RANBP2: variants seen among roughly 807,000 people sequenced by gnomAD.
RANBP2 encodes E3 SUMO-protein ligase RanBP2.
RANBP2 carries 57 observed loss-of-function variants against 303.6 expected under a neutral mutation model. The observed-to-expected ratio is 0.19, with a 90% CI of 0.15 to 0.23. The LOEUF (loss-of-function observed/expected upper bound fraction) is 0.23, where lower values mean the gene tolerates loss of function less well. RANBP2 is among the 10% of genes least tolerant of loss of function. RANBP2 has a pLI of 1.00. For synonymous variants in RANBP2, 1,167 were observed against 1,301.5 expected (o/e 0.90, Z 2.23); for missense variants, 3,138 against 3,780.8 (o/e 0.83, Z 4.46).
chr2:109,116,003 G>T, the RANBP2 span, among the ~76,000 whole-genome samples: 2 of 142,304 alleles, frequency 1.4e-5, no homozygotes, highest in Non-Finnish European at 3.1e-5. Context: ...GAGATCTGCT[G>T]TTAGTCTGAT....
At chr2:109,164,371 A>T in the RANBP2 span, among the ~76,000 whole-genome samples, 4 of 152,036 alleles carry the variant, frequency 2.6e-5, no homozygotes, top group East Asian at 7.7e-4. Flanking sequence ...TTTGTTAGAG[A>T]TGGGGTCTTG....
the RANBP2 span, among the ~76,000 whole-genome samples, chr2:109,639,349 G>T: frequency 1.3e-5 from 2 of 152,218 alleles, no homozygotes; most frequent in Non-Finnish European, 2.9e-5. Context: ...AGCTGGACGC[G>T]GTGGCTCACG....
At chr2:109,722,773 C>A in the RANBP2 span, among the ~76,000 whole-genome samples, 1 of 152,184 alleles carries the variant, frequency 6.6e-6, no homozygotes, top group African/African-American at 2.4e-5. Context: ...AAGATAATGG[C>A]TTCCAAATCC....
chr2:109,407,049 C>CTGCTGTG, the RANBP2 span, among the ~76,000 whole-genome samples: 2 of 152,220 alleles, frequency 1.3e-5, no homozygotes, highest in African/African-American at 4.8e-5. Context: ...TATGCTTGCA[C>CTGCTGTG]TGCTGTGTGC....
chr2:108,750,823 G>A (rs1410939638), intron 9 of RANBP2, among the ~76,000 whole-genome samples: 7 of 152,268 alleles, frequency 4.6e-5, no homozygotes, highest in Admixed American at 6.5e-5. Context: ...TCCTGACTGC[G>A]CAGAACCTTT....
At chr2:109,107,870 G>C in the RANBP2 span, among the ~76,000 whole-genome samples, 2 of 151,920 alleles carry the variant, frequency 1.3e-5, no homozygotes, top group Non-Finnish European at 2.9e-5. Context: ...TGAGTAGCTG[G>C]GATTACAGGC....
intron 19 of RANBP2, 88 bp from the exon 20 acceptor site, chr2:108,763,149 T>A (rs139840098): frequency 7.4e-7 from 1 of 1,357,820 alleles, no homozygotes; most frequent in Non-Finnish European, 1.0e-6. Flanking sequence ...TTCATATTCA[T>A]GTTTGAAGTT....
chr2:108,758,459 C>A lies in RANBP2; in HGVS notation c.2513C>A (p.Pro838His), dbSNP rs750616403. 31 of 1,611,630 alleles carry A rather than the reference C, an allele frequency of 1.9e-5. No homozygotes were observed. The highest frequency in any genetic ancestry group is 2.2e-4 in the Middle Eastern group (1 of 4,452). Residue 838 changes from proline to histidine, a missense_variant, in exon 18 of 29, where the codon CCT (proline) becomes CAT (histidine). By Grantham distance (77) the Pro-to-His change is moderately conservative. Transcript: ENST00000283195. ...CTAAATAGCAGTAACTCAGCATCCCCTCATCGTTGGCCCACAGAGAATTAT... is the reference window on the plus strand; with the variant it reads ...CTAAATAGCAGTAACTCAGCATCCCATCATCGTTGGCCCACAGAGAATTAT... ...LKLNSSNSAS[P>H]HRWPTENYGP...
chr2:109,279,053 G>A, the RANBP2 span, among the ~76,000 whole-genome samples: 1 of 152,186 alleles, frequency 6.6e-6, no homozygotes, highest in Admixed American at 6.5e-5. Flanking sequence ...TGATGGGGGA[G>A]CATGAAAGTA....
intron 7 of RANBP2, among the ~76,000 whole-genome samples, chr2:108,740,981 C>T (rs1266810594): frequency 4.6e-5 from 7 of 151,998 alleles, no homozygotes. Context: ...AAGATGTAAT[C>T]TCGTATTATG....
the RANBP2 span, among the ~76,000 whole-genome samples, chr2:109,220,123 C>T: frequency 6.6e-6 from 1 of 152,194 alleles, no homozygotes; most frequent in Non-Finnish European, 1.5e-5. Flanking sequence ...CAAACTGTCA[C>T]ATGTATGGTC....
intron 4 of RANBP2, among the ~76,000 whole-genome samples, chr2:108,732,364 G>A (rs1479503181): frequency 2.9e-4 from 44 of 152,138 alleles, no homozygotes; most frequent in Non-Finnish European, 2.9e-5. Context: ...TTTGAGCACT[G>A]ACATGATGCT....
chr2:108,959,711 C>T, the RANBP2 span, among the ~76,000 whole-genome samples: 9 of 152,152 alleles, frequency 5.9e-5, no homozygotes, highest in Non-Finnish European at 8.8e-5. Context: ...GTGGAGATTT[C>T]GCCTTTCCCC....
chr2:109,290,023 C>T, the RANBP2 span, among the ~76,000 whole-genome samples: 3 of 152,116 alleles, frequency 2.0e-5, no homozygotes, highest in East Asian at 1.9e-4. Context: ...ATGCAGATTC[C>T]GATTCTATAG....
chr2:109,298,736 G>C, the RANBP2 span, among the ~76,000 whole-genome samples: 1 of 152,090 alleles, frequency 6.6e-6, no homozygotes, highest in Admixed American at 6.5e-5. Flanking sequence ...AGCTCACCCT[G>C]TGAAATATCC....
the RANBP2 span, among the ~76,000 whole-genome samples, chr2:109,278,229 C>G: frequency 2.0e-5 from 3 of 152,058 alleles, no homozygotes; most frequent in Non-Finnish European, 4.4e-5. Flanking sequence ...TCTCTGCACT[C>G]CTTTGTGGAG....
the RANBP2 span, among the ~76,000 whole-genome samples, chr2:109,171,245 A>G: frequency 2.2e-4 from 33 of 152,224 alleles, no homozygotes; most frequent in Non-Finnish European, 3.8e-4. Flanking sequence ...ATTTGCTTAC[A>G]TGTATTTGGT....
chr2:109,251,556 T>TG, the RANBP2 span: 1 of 780,796 alleles, frequency 1.3e-6, no homozygotes, highest in Non-Finnish European at 2.4e-6. Context: ...TAGATGAATG[T>TG]GTGGAGATGG....
chr2:109,445,756 G>A, the RANBP2 span, among the ~76,000 whole-genome samples: 1 of 152,142 alleles, frequency 6.6e-6, no homozygotes, highest in South Asian at 2.1e-4. Flanking sequence ...GAAGTAGAGA[G>A]GGGGGTTGGC....
Sources: allele counts gnomAD v4.1 joint callset (sites outside exome capture counted in the v4.1 genomes callset), GRCh38; gene constraint gnomAD v4.1.1; transcripts MANE v1.5; gene names NCBI Gene and HGNC (gene_info 2026-07-23, HGNC 2026-07-21).